Variants in ANKS3 observed in about 807,000 individuals in gnomAD.
ANKS3 encodes ankyrin repeat and sterile alpha motif domain containing 3.
A neutral mutation model predicts 80.7 loss-of-function variants in ANKS3; 62 were observed. The observed-to-expected ratio is 0.77, with a 90% CI of 0.63 to 0.95. The LOEUF (loss-of-function observed/expected upper bound fraction) is 0.95. ANKS3 is among the 40% of genes least tolerant of loss of function. The probability of loss-of-function intolerance (pLI) is 0.00; values close to 1 mark genes in which losing one functional copy is unlikely to be tolerated. For missense variants in ANKS3, 1,150 were observed against 883.6 expected (o/e 1.30, Z -3.82); for synonymous variants, 489 against 355.3 (o/e 1.38, Z -4.23).
At chr16:4,723,215 G>A (rs560703878) in intron 6 of ANKS3, among the ~76,000 whole-genome samples, 1 of 152,098 alleles carries the variant, frequency 6.6e-6, no homozygotes, top group South Asian at 2.1e-4. Flanking sequence ...ACAATTCAAC[G>A]GCTTCTCGTA....
chr16:4,698,755 T>C, intron 13 of ANKS3, 45 bp downstream of exon 13: 1 of 1,562,548 alleles, frequency 6.4e-7, no homozygotes, highest in Non-Finnish European at 8.6e-7. Context: ...TGGAGCCAAC[T>C]CACGGGTGTC....
chr16:4,727,213 C>A (rs1455500262), intron 3 of ANKS3, 36 bp from the exon 4 acceptor site: 1 of 1,605,432 alleles, frequency 6.2e-7, no homozygotes, highest in African/African-American at 1.3e-5. Context: ...CATGGCCAGC[C>A]GCCTCGCATG....
intron 3 of ANKS3, 46 bp downstream of exon 3, chr16:4,729,934 A>G (rs2081535516): frequency 1.4e-6 from 2 of 1,435,572 alleles, no homozygotes; most frequent in African/African-American, 1.4e-5. Context: ...CGAAGCCATC[A>G]CTGCGCTGCT....
At chr16:4,708,370 T>G (rs1053211118) in intron 7 of ANKS3, among the ~76,000 whole-genome samples, 32 of 151,968 alleles carry the variant, frequency 2.1e-4, no homozygotes, top group African/African-American at 7.5e-4. Flanking sequence ...TTTCTAAAAA[T>G]AACAAGGAAA....
At chr16:4,718,271 T>C (rs1335100709) in intron 6 of ANKS3, among the ~76,000 whole-genome samples, 2 of 152,116 alleles carry the variant, frequency 1.3e-5, no homozygotes, top group Non-Finnish European at 2.9e-5. Flanking sequence ...TTTTCCTATT[T>C]TATAATGTCC....
rs201019027 is a variant in ANKS3 at position 4,700,733 on chromosome 16, G to A, written c.1284+237C>T. ...CCCAGGCTCAGGGAGGCCAACTCCA[G>A]TATGGAAAGCAGGGAGACAGGTCCT... On this transcript the variant is annotated intron_variant, in intron 11 of 17. Coordinates refer to ENST00000304283, the MANE Select transcript of ANKS3 (RefSeq NM_133450.4). The A allele has an allele frequency of 4.0e-4, 277 of 688,044 alleles. 1 individual carries two copies. The highest frequency in any genetic ancestry group is 4.0e-3 in the East Asian group (141 of 35,310). 42.6% of individuals were successfully genotyped at this position (688,044 alleles called of 1,614,324 possible).
chr16:4,699,265 C>A, intron 11 of ANKS3, 89 bp from the exon 12 acceptor site: 1 of 1,515,900 alleles, frequency 6.6e-7, no homozygotes, highest in Non-Finnish European at 8.9e-7. Context: ...ACCACTTCCC[C>A]AGGCTCAGAA....
intron 7 of ANKS3, among the ~76,000 whole-genome samples, chr16:4,712,119 C>G (rs1268472144): frequency 1.3e-5 from 2 of 152,278 alleles, no homozygotes; most frequent in East Asian, 1.9e-4. Flanking sequence ...GCCTGTAATC[C>G]CAGCACTTTG....
At chr16:4,704,619 G>A (rs1198384536) in intron 8 of ANKS3, among the ~76,000 whole-genome samples, 1 of 152,214 alleles carries the variant, frequency 6.6e-6, no homozygotes, top group East Asian at 1.9e-4. Context: ...CAACAAGCGG[G>A]CCCTCTCTCA....
In ANKS3 at chr16:4,702,074, C is replaced by CG. The variant is rs751195155; in HGVS notation, c.1009+27dup. 4 of 1,548,386 alleles carry CG rather than the reference C, an allele frequency of 2.6e-6. No individual in the cohort carries two copies. In the East Asian group the frequency reaches 7.2e-5, roughly 28 times the overall value. On this transcript the variant is annotated intron_variant, in intron 9 of 17. Transcript: ENST00000304283. ...GGAGCTCCAGGACCTGCCTGAGCCACGGGCCGGATGGGTGGGGGTGCACGT... is the reference window on the plus strand; with the variant it reads ...GGAGCTCCAGGACCTGCCTGAGCCACGGGGCCGGATGGGTGGGGGTGCACGT...
Position 4,705,165 on chromosome 16 carries a change from G to C in ANKS3, c.798C>G (p.His266Gln), listed in dbSNP as rs758439656. Residue 266 changes from histidine to glutamine, a missense_variant, in exon 8 of 18, where the codon CAC becomes CAG. Physicochemically the swap from His to Gln is conservative, Grantham distance 24. Coordinates refer to ENST00000304283, the MANE Select transcript of ANKS3 (RefSeq NM_133450.4). ...TCCTGGCCAGGGCTCGCGGTCCCTC[G>C]TGGATGCTGACACCCTTCTTCCGGC... The part of the protein sequence containing the change: ...RPCRKKGVSI[H>Q]EGPRALARIT... 7 of 1,613,678 alleles carry C rather than the reference G, an allele frequency of 4.3e-6. No homozygotes were observed. The highest frequency in any genetic ancestry group is 5.1e-6 in the Non-Finnish European group (6 of 1,180,044).
At position 4,696,764 on chromosome 16, in the gene ANKS3, C is replaced by T. The variant is rs2079574022; in HGVS notation, c.*144G>A. The T allele has an allele frequency of 1.8e-6, 1 of 555,710 alleles. No individual in the cohort carries two copies. The highest frequency in any genetic ancestry group is 3.2e-6 in the Non-Finnish European group (1 of 308,638). The allele number at this position is 555,710 out of a possible 1,614,324, so 34.4% of individuals were successfully genotyped here. Reference sequence around the variant, plus strand: ...GCCGCAGCCCCCGTCTTGCCTCTGTCTGCCGGCTGCTCCCGGGGCCTGATC... The same window carrying T: ...GCCGCAGCCCCCGTCTTGCCTCTGTTTGCCGGCTGCTCCCGGGGCCTGATC... On this transcript the variant is annotated 3_prime_UTR_variant, in exon 18 of 18. Coordinates refer to ENST00000304283, the MANE Select transcript of ANKS3 (RefSeq NM_133450.4).
At chr16:4,704,122 G>A (rs920340712) in intron 8 of ANKS3, among the ~76,000 whole-genome samples, 1 of 152,186 alleles carries the variant, frequency 6.6e-6, no homozygotes, top group East Asian at 1.9e-4. Context: ...CCAGCAGCTC[G>A]AGAGAGGCCT....
In ANKS3 at chr16:4,698,944, G is replaced by T. The variant is rs1195956728; in HGVS notation, c.1410-3C>A. ...TCTTCCTCTTGGGCCCAAACAGCCTGCGGGGGGAATGTGACCAGGATATGC... is the reference window on the plus strand; with the variant it reads ...TCTTCCTCTTGGGCCCAAACAGCCTTCGGGGGGAATGTGACCAGGATATGC... On this transcript the variant is annotated splice_polypyrimidine_tract_variant and splice_region_variant and intron_variant, in intron 12 of 17. Transcript: ENST00000304283. 1 of 1,604,160 alleles carries T rather than the reference G, an allele frequency of 6.2e-7. No individual in the cohort carries two copies.
intron 5 of ANKS3, chr16:4,725,035 G>A: frequency 2.2e-6 from 1 of 453,800 alleles, no homozygotes; most frequent in Admixed American, 4.2e-5. Flanking sequence ...TCTGTCCCCA[G>A]GGCTGGTCTT....
intron 6 of ANKS3, among the ~76,000 whole-genome samples, chr16:4,716,035 G>A (rs1285525965): frequency 1.3e-4 from 19 of 151,848 alleles, no homozygotes; most frequent in Admixed American, 1.1e-3. Flanking sequence ...GCGGTGACAC[G>A]GACTAGGGTG....
chr16:4,705,281 G>C, intron 7 of ANKS3, 28 bp from the exon 8 acceptor site: 2 of 1,611,396 alleles, frequency 1.2e-6, no homozygotes, highest in Non-Finnish European at 1.7e-6. Flanking sequence ...GATTAAGATA[G>C]TGTGTTCAGT....
At chr16:4,716,360 CA>C (rs1162795772) in intron 6 of ANKS3, among the ~76,000 whole-genome samples, 999 of 48,836 alleles carry the variant, frequency 0.02, 4 homozygotes, top group Non-Finnish European at 0.027. Context: ...GACTCCAACT[CA>C]AAAAAAAAAA....
At chr16:4,713,865 G>A (rs1009559910) in intron 7 of ANKS3, among the ~76,000 whole-genome samples, 186 bp downstream of exon 7, 7 of 152,180 alleles carry the variant, frequency 4.6e-5, no homozygotes, top group Non-Finnish European at 8.8e-5. Flanking sequence ...ACTCTCCATC[G>A]TAACCATCCT....
Sources: gnomAD v4.1 joint callset for allele counts (sites outside exome capture counted in the v4.1 genomes callset) on GRCh38, gnomAD v4.1.1 for gene constraint, MANE v1.5 for transcripts, NCBI Gene and HGNC (gene_info 2026-07-23, HGNC 2026-07-21) for gene names.